PTPRD: variants seen among roughly 807,000 people sequenced by gnomAD.
PTPRD encodes protein tyrosine phosphatase receptor type D.
In PTPRD, 34 loss-of-function variants were observed where a neutral mutation model predicts 214.5. That is an observed-to-expected ratio of 0.16 (90% CI 0.12 to 0.21). The LOEUF (loss-of-function observed/expected upper bound fraction) is 0.21, where lower values mean the gene tolerates loss of function less well. Among genes scored for constraint, PTPRD ranks in the 10% least tolerant of loss-of-function variants. PTPRD has a pLI of 1.00. For synonymous variants in PTPRD, 1,128 were observed against 845.7 expected, an observed-to-expected ratio of 1.33 and a Z score of -5.79; for missense variants, 2,545 against 2,398.7, an observed-to-expected ratio of 1.06 and a Z score of -1.27.
At chr9:10,229,019 C>T (rs1363370996) in intron 3 of PTPRD, among the ~76,000 whole-genome samples, 3 of 151,724 alleles carry the variant, frequency 2.0e-5, no homozygotes, top group Admixed American at 6.6e-5. Flanking sequence ...GATGTTTTGC[C>T]GGTATATGAG....
intron 11 of PTPRD, among the ~76,000 whole-genome samples, chr9:8,847,265 A>C (rs562100252): frequency 6.7e-6 from 1 of 148,552 alleles, no homozygotes; most frequent in South Asian, 2.1e-4. Context: ...TCCTTTCTTA[A>C]ATCAGTAACT....
intron 7 of PTPRD, among the ~76,000 whole-genome samples, chr9:9,593,690 G>A (rs1465115915): frequency 1.3e-5 from 2 of 152,048 alleles, no homozygotes; most frequent in Admixed American, 6.6e-5. Context: ...TTAGAACTAG[G>A]GGAGAACCAA....
At chr9:10,479,153 A>G (rs1566364663) in intron 2 of PTPRD, among the ~76,000 whole-genome samples, 3 of 152,156 alleles carry the variant, frequency 2.0e-5, no homozygotes, top group African/African-American at 4.8e-5. Context: ...TAAATTCTAT[A>G]CTCGTATAAT....
chr9:10,034,656 A>G (rs1029346950), intron 3 of PTPRD, among the ~76,000 whole-genome samples: 2 of 152,018 alleles, frequency 1.3e-5, no homozygotes, highest in Admixed American at 6.6e-5. Context: ...GCTCCCACTT[A>G]TAAGTGAGAA....
intron 10 of PTPRD, among the ~76,000 whole-genome samples, chr9:9,074,928 T>C (rs1183804251): frequency 6.6e-6 from 1 of 151,938 alleles, no homozygotes; most frequent in Non-Finnish European, 1.5e-5. Flanking sequence ...AGTCCTATAT[T>C]ATCCTATCAT....
At chr9:10,599,339 TC>T (rs1389370334) in intron 2 of PTPRD, among the ~76,000 whole-genome samples, 14 of 151,806 alleles carry the variant, frequency 9.2e-5, no homozygotes, top group Non-Finnish European at 1.8e-4. Flanking sequence ...CCACTTTGTT[TC>T]CTATACTTGT....
chr9:9,580,547 C>CTTTTTTTTTTTTTTTTT (rs1176394314), intron 7 of PTPRD, among the ~76,000 whole-genome samples: 2 of 123,072 alleles, frequency 1.6e-5, no homozygotes, highest in Non-Finnish European at 3.4e-5. Flanking sequence ...ACTTTATTTT[C>CTTTTTTTTTTTTTTTTT]TTTTTTTTTT....
At chr9:10,506,333 G>C (rs1469627340) in intron 2 of PTPRD, among the ~76,000 whole-genome samples, 1 of 152,060 alleles carries the variant, frequency 6.6e-6, no homozygotes, top group Admixed American at 6.6e-5. Context: ...TAGGACATTT[G>C]TCAAATTGAA....
intron 2 of PTPRD, among the ~76,000 whole-genome samples, chr9:10,547,529 A>G (rs2060416894): frequency 6.6e-6 from 1 of 152,104 alleles, no homozygotes; most frequent in Non-Finnish European, 1.5e-5. Flanking sequence ...GATTAAAAAA[A>G]TCTCATTCCC....
chr9:8,665,435 G>A (rs1004149019), intron 12 of PTPRD, among the ~76,000 whole-genome samples: 2 of 152,124 alleles, frequency 1.3e-5, no homozygotes, highest in Non-Finnish European at 2.9e-5. Flanking sequence ...TAAAAGGCAG[G>A]GTTTTTTGTT....
At chr9:9,321,870 T>C (rs1403287190) in intron 9 of PTPRD, among the ~76,000 whole-genome samples, 4 of 152,184 alleles carry the variant, frequency 2.6e-5, no homozygotes, top group African/African-American at 9.7e-5. Flanking sequence ...ATGCCATCTA[T>C]TTTACTAACT....
chr9:8,534,293 G>C (rs537618054), intron 14 of PTPRD, among the ~76,000 whole-genome samples: 4 of 151,918 alleles, frequency 2.6e-5, no homozygotes, highest in Admixed American at 2.6e-4. Flanking sequence ...GAACACAATA[G>C]AACACGTATC....
At chr9:9,644,952 C>T (rs2096099959) in intron 7 of PTPRD, among the ~76,000 whole-genome samples, 1 of 152,194 alleles carries the variant, frequency 6.6e-6, no homozygotes, top group African/African-American at 2.4e-5. Context: ...CCTGATTCTT[C>T]CTGGATGCCA....
At chr9:10,162,776 G>A (rs151147499) in intron 3 of PTPRD, among the ~76,000 whole-genome samples, 1,555 of 146,976 alleles carry the variant, frequency 0.011, 12 homozygotes, top group Non-Finnish European at 0.017. Flanking sequence ...TATGGAGCTG[G>A]GGGCCTTGAT....
intron 14 of PTPRD, among the ~76,000 whole-genome samples, chr9:8,591,932 G>A (rs72696694): frequency 2.7e-3 from 405 of 152,232 alleles, no homozygotes; most frequent in Middle Eastern, 6.8e-3. Context: ...CAAGCTGCAT[G>A]AATTTCTGGA....
intron 14 of PTPRD, among the ~76,000 whole-genome samples, chr9:8,591,399 G>C (rs572852913): frequency 5.9e-5 from 9 of 152,294 alleles, no homozygotes; most frequent in African/African-American, 1.9e-4. Flanking sequence ...AGACACATCT[G>C]ACACTCTTCT....
At chr9:9,273,824 AC>A (rs1467338491) in intron 9 of PTPRD, among the ~76,000 whole-genome samples, 2 of 151,372 alleles carry the variant, frequency 1.3e-5, no homozygotes, top group East Asian at 2.0e-4. Context: ...AGGAGTTTTG[AC>A]CCATTCTTGT....
In PTPRD at chr9:10,076,181, TACGTCTTGCA is replaced by T. The variant is rs1257307120; in HGVS notation, c.-544-42401_-544-42392del. On this transcript the variant is annotated intron_variant, in intron 3 of 45. Transcript: ENST00000381196. ...CTTCTTGAGTGCAGGTTTGAGGGTC[TACGTCTTGCA>T]CTGCCTGCCGCCTCTATCTCCCTCA... is the stretch of plus-strand genomic sequence containing the variant. Among the ~76,000 whole-genome samples, 41 of 152,252 alleles carry T rather than the reference TACGTCTTGCA, an allele frequency of 2.7e-4. No individual in the cohort carries two copies. The East Asian group carries it at 6.6e-3, about 25-fold the overall frequency.
chr9:9,057,667 T>C (rs1350638594), intron 10 of PTPRD, among the ~76,000 whole-genome samples: 1 of 152,136 alleles, frequency 6.6e-6, no homozygotes, highest in Non-Finnish European at 1.5e-5. Context: ...TATATGGCCA[T>C]TATCAAGTAA....
Sources: allele counts gnomAD v4.1 joint callset (sites outside exome capture counted in the v4.1 genomes callset), GRCh38; gene constraint gnomAD v4.1.1; transcripts MANE v1.5; gene names NCBI Gene and HGNC (gene_info 2026-07-23, HGNC 2026-07-21).